RMDN1: variants seen among roughly 807,000 people sequenced by gnomAD.
RMDN1 encodes regulator of microtubule dynamics 1, also known as regulator of microtubule dynamics protein 1.
In RMDN1, 48 loss-of-function variants were observed where a neutral mutation model predicts 48.9. The ratio of observed to expected loss-of-function variants is 0.98; its 90% CI spans 0.78 to 1.25. The LOEUF is 1.25. Ranked by LOEUF, RMDN1 falls within the 50% of genes most tolerant of loss-of-function variation. The pLI is 0.00. For synonymous variants in RMDN1, 148 were observed against 132.6 expected (o/e 1.12, Z -0.80); for missense variants, 418 against 373.4 (o/e 1.12, Z -0.98).
At chr8:86,481,189 A>G (rs948367620) in intron 5 of RMDN1, among the ~76,000 whole-genome samples, 2 of 152,210 alleles carry the variant, frequency 1.3e-5, no homozygotes, top group South Asian at 2.1e-4. Flanking sequence ...GGTTAAGAGC[A>G]TGGTCTCTGA....
chr8:86,472,795 A>G lies in RMDN1; in HGVS notation c.*1513T>C, dbSNP rs907056631. ...TCAGTCAGGAATGATGGTGACATCA[A>G]CCAACCACAAATTACCCACATGAGT... is the stretch of plus-strand genomic sequence containing the variant. On this transcript the variant is annotated 3_prime_UTR_variant, in exon 10 of 10. Coordinates refer to ENST00000406452, the MANE Select transcript of RMDN1 (RefSeq NM_016033.3). 2 of 262,420 alleles carry G rather than the reference A, an allele frequency of 7.6e-6. No individual in the cohort carries two copies. Among genetic ancestry groups the G allele is most frequent in the African/African-American group, 2.2e-5 (1 of 45,268 alleles). The allele number at this position is 262,420 out of a possible 1,614,324, so 16.3% of individuals were successfully genotyped here. A position where few individuals can be genotyped will look rare whatever the true frequency, so the allele number is the denominator to read the frequency against.
intron 8 of RMDN1, among the ~76,000 whole-genome samples, chr8:86,475,459 GT>G (rs941207902): frequency 6.6e-6 from 1 of 151,540 alleles, no homozygotes; most frequent in East Asian, 1.9e-4. Flanking sequence ...CAAAACCTCT[GT>G]TTTTTTCAAC....
At chr8:86,492,325 G>A (rs958663530) in intron 2 of RMDN1, among the ~76,000 whole-genome samples, 1 of 152,230 alleles carries the variant, frequency 6.6e-6, no homozygotes, top group Admixed American at 6.5e-5. Flanking sequence ...GAATGTATTA[G>A]CATACCTTGG....
In RMDN1 at chr8:86,474,241, T is replaced by C; in HGVS notation, c.*67A>G. The C allele has an allele frequency of 6.2e-7, 1 of 1,603,386 alleles. No individual in the cohort carries two copies. The highest frequency in any genetic ancestry group is 8.5e-7 in the Non-Finnish European group (1 of 1,175,776). ...CCGTAGAACAGTTATAGTTCATATA[T>C]TAAGTTTAGAATTAAAAGAAAAGGC... On this transcript the variant is annotated 3_prime_UTR_variant, in exon 10 of 10. Coordinates refer to ENST00000406452, the MANE Select transcript of RMDN1 (RefSeq NM_016033.3).
At position 86,479,140 on chromosome 8, in the gene RMDN1, T is replaced by C. The variant is rs1375748404; in HGVS notation, c.642-130A>G. The C allele has an allele frequency of 9.4e-6, 6 of 639,356 alleles. No individual in the cohort carries two copies. In the South Asian group the frequency reaches 1.2e-4, roughly 13 times the overall value. The allele number at this position is 639,356 out of a possible 1,614,324, so 39.6% of individuals were successfully genotyped here. ...TAAACAACTTGTGCTTTACATGATA[T>C]CTACTAGGTAATCCAGAGATTGACA... On this transcript the variant is annotated intron_variant, in intron 6 of 9. Transcript: ENST00000406452.
intron 7 of RMDN1, chr8:86,478,643 T>C: frequency 2.6e-6 from 1 of 390,906 alleles, no homozygotes; most frequent in South Asian, 3.0e-5. Flanking sequence ...GACTTCAATA[T>C]AGTTTAGATT....
At chr8:86,468,466 T>A (rs1036956003), downstream of RMDN1, 1 of 430,922 alleles carries the variant, frequency 2.3e-6, no homozygotes. Flanking sequence ...TGACAGGTTA[T>A]GTGATAGAGG....
At chr8:86,469,290 A>C (rs931564024), downstream of RMDN1, among the ~76,000 whole-genome samples, 2 of 151,970 alleles carry the variant, frequency 1.3e-5, no homozygotes, top group Non-Finnish European at 2.9e-5. Flanking sequence ...CTGACAACTA[A>C]ATAGGATGGT....
upstream of RMDN1, among the ~76,000 whole-genome samples, chr8:86,510,983 T>C (rs879457915): frequency 3.6e-5 from 5 of 137,592 alleles, no homozygotes; most frequent in African/African-American, 1.0e-4. Context: ...TTCTTGTTGT[T>C]GTTTGTTTTT....
intron 5 of RMDN1, chr8:86,482,130 G>A (rs1312993517): frequency 5.6e-6 from 3 of 535,614 alleles, no homozygotes; most frequent in Non-Finnish European, 1.0e-5. Context: ...GGCCAGGCAC[G>A]GTGGCTTATG....
intron 2 of RMDN1, chr8:86,504,667 GCTTTGT>G: frequency 1.1e-6 from 1 of 876,282 alleles, no homozygotes; most frequent in Non-Finnish European, 2.0e-6. Context: ...AATGGGATGA[GCTTTGT>G]CTTTATCGGG....
At chr8:86,503,785 C>G (rs1818806162) in intron 2 of RMDN1, 8 of 510,294 alleles carry the variant, frequency 1.6e-5, no homozygotes, top group South Asian at 1.3e-4. Context: ...TGGCCATATT[C>G]TCCATTGTTG....
intron 2 of RMDN1, chr8:86,503,515 T>TGCCTG (rs1205523163): frequency 4.6e-6 from 1 of 216,920 alleles, no homozygotes; most frequent in Non-Finnish European, 9.4e-6. Context: ...CTGAAAAAGT[T>TGCCTG]ATCTCTGGAA....
At chr8:86,469,593 C>T (rs1812381230), downstream of RMDN1, among the ~76,000 whole-genome samples, 1 of 152,192 alleles carries the variant, frequency 6.6e-6, no homozygotes, top group Non-Finnish European at 1.5e-5. Context: ...TCTGAGTAGA[C>T]TGGTGCCAAA....
At chr8:86,495,503 A>T (rs1817192650) in intron 2 of RMDN1, among the ~76,000 whole-genome samples, 1 of 152,076 alleles carries the variant, frequency 6.6e-6, no homozygotes, top group South Asian at 2.1e-4. Context: ...ATACTCCTCT[A>T]GGTGGTCTTA....
chr8:86,474,225 A>C lies in RMDN1; in HGVS notation c.*83T>G. ...CACAACATTTAAAAAGCCGTAGAAC[A>C]GTTATAGTTCATATATTAAGTTTAG... On this transcript the variant is annotated 3_prime_UTR_variant, in exon 10 of 10. Coordinates refer to ENST00000406452, the MANE Select transcript of RMDN1 (RefSeq NM_016033.3). 1 of 1,577,332 alleles carries C rather than the reference A, an allele frequency of 6.3e-7. No homozygotes were observed. Among genetic ancestry groups the C allele is most frequent in the Middle Eastern group, 2.0e-4 (1 of 5,096 alleles).
chr8:86,482,794 T>G, intron 5 of RMDN1: 1 of 950,816 alleles, frequency 1.1e-6, no homozygotes, highest in Non-Finnish European at 1.7e-6. Context: ...AGTGGCATTA[T>G]CAGAACCCAA....
At chr8:86,482,331 A>G (rs916110333) in intron 5 of RMDN1, 36 of 317,850 alleles carry the variant, frequency 1.1e-4, no homozygotes, top group South Asian at 1.1e-3. Flanking sequence ...GAACCCTGGA[A>G]GCAGAGGCTG....
intron 2 of RMDN1, among the ~76,000 whole-genome samples, chr8:86,498,786 A>G (rs1276001855): frequency 6.6e-6 from 1 of 152,160 alleles, no homozygotes; most frequent in Non-Finnish European, 1.5e-5. Context: ...GTCTTAAGAA[A>G]AAGAAAAAAG....
Sources: gnomAD v4.1 joint callset for allele counts (sites outside exome capture counted in the v4.1 genomes callset) on GRCh38, gnomAD v4.1.1 for gene constraint, MANE v1.5 for transcripts, NCBI Gene and HGNC (gene_info 2026-07-23, HGNC 2026-07-21) for gene names.